Variants in PROS1 observed in about 807,000 individuals in gnomAD.
PROS1 encodes the protein vitamin K-dependent protein S.
A neutral mutation model predicts 75.9 loss-of-function variants in PROS1; 29 were observed. The ratio of observed to expected loss-of-function variants is 0.38; its 90% CI spans 0.28 to 0.52. The LOEUF is 0.52. Ranked by LOEUF, PROS1 falls within the 20% of genes least tolerant of loss-of-function variation. The pLI, the probability that PROS1 is intolerant of heterozygous loss-of-function variation, is 0.83. For synonymous variants in PROS1, 245 were observed against 280.6 expected, an observed-to-expected ratio of 0.87 and a Z score of 1.27; for missense variants, 680 against 810.3, an observed-to-expected ratio of 0.84 and a Z score of 1.95.
Position 93,885,046 on chromosome 3 carries a change from G to A in PROS1, c.1324-150C>T, listed in dbSNP as rs2107137934. The A allele has an allele frequency of 6.7e-6, 5 of 746,356 alleles. No individual in the cohort carries two copies. The East Asian group carries it at 1.4e-4, about 20-fold the overall frequency. 46.2% of individuals were successfully genotyped at this position (746,356 alleles called of 1,614,324 possible). A position where few individuals can be genotyped will look rare whatever the true frequency, so the allele number is the denominator to read the frequency against. ...TTTTATTTAAGTTTTTCTTTTCAAA[G>A]TATTCTTCAGATGGACAGTCTTTTT... On this transcript the variant is annotated intron_variant, in intron 11 of 14. Transcript: ENST00000394236.
chr3:93,947,059 A>T (rs893512340), intron 1 of PROS1, among the ~76,000 whole-genome samples: 1 of 152,232 alleles, frequency 6.6e-6, no homozygotes, highest in African/African-American at 2.4e-5. Flanking sequence ...CAACAGACAC[A>T]TGACAAAATG....
At chr3:93,902,888 G>C (rs1024551847) in intron 6 of PROS1, among the ~76,000 whole-genome samples, 2 of 151,906 alleles carry the variant, frequency 1.3e-5, no homozygotes, top group Non-Finnish European at 2.9e-5. Context: ...TTGTGGTTTT[G>C]GTTTGTTTGT....
intron 12 of PROS1, among the ~76,000 whole-genome samples, chr3:93,881,205 C>T (rs1307758677): frequency 3.3e-5 from 5 of 152,114 alleles, no homozygotes; most frequent in East Asian, 1.9e-4. Context: ...GGCTGTAGTC[C>T]TAGCTACTTG....
intron 12 of PROS1, among the ~76,000 whole-genome samples, chr3:93,880,421 G>T (rs867529926): frequency 6.6e-6 from 1 of 152,020 alleles, no homozygotes; most frequent in South Asian, 2.1e-4. Context: ...CAGGAGAATC[G>T]CTTGAACTCA....
intron 1 of PROS1, among the ~76,000 whole-genome samples, chr3:93,947,461 A>G (rs1427133895): frequency 2.0e-5 from 3 of 152,174 alleles, no homozygotes. Context: ...TCATGAGGGA[A>G]GGTTCCCTCT....
At chr3:93,926,049 T>C (rs945812491) in intron 2 of PROS1, among the ~76,000 whole-genome samples, 1 of 152,076 alleles carries the variant, frequency 6.6e-6, no homozygotes, top group Non-Finnish European at 1.5e-5. Context: ...AATGTATCCA[T>C]TGTGTTAGAA....
chr3:93,910,811 T>A, intron 3 of PROS1, 106 bp from the exon 4 acceptor site: 1 of 883,464 alleles, frequency 1.1e-6, no homozygotes, highest in Non-Finnish European at 1.8e-6. Context: ...CTCCTGTAGA[T>A]TCACAAGATT....
At chr3:93,924,329 AT>A in intron 2 of PROS1, 65 bp from the exon 3 acceptor site, 1 of 974,922 alleles carries the variant, frequency 1.0e-6, no homozygotes, top group Admixed American at 3.0e-5. Context: ...TTAAAACTTA[AT>A]TTTATAATGT....
intron 1 of PROS1, 170 bp downstream of exon 1, chr3:93,973,504 T>C (rs1014130202): frequency 4.8e-5 from 33 of 689,032 alleles, no homozygotes; most frequent in Non-Finnish European, 6.5e-5. Context: ...TGCCCCACCA[T>C]TGCACTGCCT....
chr3:93,927,850 C>CATATATATATATAT lies in PROS1; in HGVS notation c.77-457_77-444dup, dbSNP rs62909461. ...AGACCCCATTTCTACAAAAAACAAA[C>CATATATATATATAT]ATATATATATATATATATATATATG... On this transcript the variant is annotated intron_variant, in intron 1 of 14. Transcript: ENST00000394236. Among the ~76,000 whole-genome samples the CATATATATATATAT allele has an allele frequency of 3.7e-4, 43 of 117,806 alleles. 1 individual carries two copies. The highest frequency in any genetic ancestry group is 1.1e-3 in the African/African-American group (36 of 31,516). The allele number at this position is 117,806 out of a possible 152,430, so 77.3% of individuals were successfully genotyped here.
chr3:93,910,640 C>T lies in PROS1; in HGVS notation c.325G>A (p.Asp109Asn). 6.2e-7 allele frequency: 1 copy of T among 1,613,270 alleles called. No individual in the cohort carries two copies. Among genetic ancestry groups the T allele is most frequent in the Non-Finnish European group, 8.5e-7 (1 of 1,179,432 alleles). The part of the protein sequence containing the change: ...AARQSTNAYP[D>N]LRSCVNAIPD... ...TTACCATTGACACAGCTTCTTAGGTCAGGATAAGCATTAGTTGACTGACGT... is the reference window on the plus strand; with the variant it reads ...TTACCATTGACACAGCTTCTTAGGTTAGGATAAGCATTAGTTGACTGACGT... Residue 109 changes from aspartate to asparagine, a missense_variant, in exon 4 of 15, where the codon GAC (aspartate) becomes AAC (asparagine). Asp to Asn is a conservative substitution (Grantham distance 23). Transcript: ENST00000394236.
At chr3:93,898,168 T>A (rs1315601071) in intron 8 of PROS1, among the ~76,000 whole-genome samples, 1 of 152,050 alleles carries the variant, frequency 6.6e-6, no homozygotes, top group African/African-American at 2.4e-5. Flanking sequence ...ATTTCTTAAG[T>A]AAACATACAA....
intron 1 of PROS1, among the ~76,000 whole-genome samples, chr3:93,945,528 C>A (rs1331114743): frequency 6.6e-6 from 1 of 152,154 alleles, no homozygotes; most frequent in Non-Finnish European, 1.5e-5. Context: ...TAAATCTAAT[C>A]CATCATATGA....
chr3:93,890,383 GT>G (rs1708415034), intron 10 of PROS1, among the ~76,000 whole-genome samples: 2 of 152,150 alleles, frequency 1.3e-5, no homozygotes, highest in Admixed American at 1.3e-4. Flanking sequence ...CCCTTGTCCT[GT>G]TTCCTCAGAA....
At chr3:93,907,934 G>A (rs1708701500) in intron 4 of PROS1, among the ~76,000 whole-genome samples, 1 of 152,138 alleles carries the variant, frequency 6.6e-6, no homozygotes, top group Non-Finnish European at 1.5e-5. Context: ...GACCAAGGCA[G>A]GCAGGCAGAT....
At chr3:93,885,591 G>C (rs1043509939) in intron 11 of PROS1, among the ~76,000 whole-genome samples, 2 of 152,138 alleles carry the variant, frequency 1.3e-5, no homozygotes, top group African/African-American at 4.8e-5. Context: ...AGTCTCTTCA[G>C]ACACAAAAGT....
intron 6 of PROS1, among the ~76,000 whole-genome samples, chr3:93,902,044 C>T (rs779938315): frequency 6.6e-5 from 10 of 152,046 alleles, no homozygotes. Flanking sequence ...CCGGGCACAG[C>T]AGCAGTGCTG....
rs191831543 is a variant in PROS1, at chr3:93,898,596, A to G, written c.728-27T>C. Reference sequence around the variant, plus strand: ...TGAGGTAAAAAAAACACACGCACACAAACTTTAATATCCCCTAAATGTTCA... The same window carrying G: ...TGAGGTAAAAAAAACACACGCACACGAACTTTAATATCCCCTAAATGTTCA... On this transcript the variant is annotated intron_variant, in intron 7 of 14. Transcript: ENST00000394236. The G allele has an allele frequency of 6.8e-6, 11 of 1,610,180 alleles. No individual in the cohort carries two copies. In the African/African-American group the frequency reaches 1.2e-4, roughly 18 times the overall value.
At chr3:93,973,363 C>A (rs1311549555) in intron 1 of PROS1, among the ~76,000 whole-genome samples, 1 of 152,192 alleles carries the variant, frequency 6.6e-6, no homozygotes, top group Non-Finnish European at 1.5e-5. Context: ...TCCTAGTTCT[C>A]TGACTGGGAA....
Sources: gnomAD v4.1 joint callset for allele counts (sites outside exome capture counted in the v4.1 genomes callset) on GRCh38, gnomAD v4.1.1 for gene constraint, MANE v1.5 for transcripts, NCBI Gene and HGNC (gene_info 2026-07-23, HGNC 2026-07-21) for gene names.